The following OAS2 variants were observed in gnomAD, a reference collection of about 807,000 sequenced individuals.
OAS2 encodes 2'-5'-oligoadenylate synthetase 2, also known as 2'-5'-oligoadenylate synthase 2.
OAS2 carries 67 observed loss-of-function variants against 71.3 expected under a neutral mutation model. That is an observed-to-expected ratio of 0.94 (90% CI 0.77 to 1.15). OAS2 has a LOEUF of 1.15. Ranked by LOEUF, OAS2 falls within the 50% of genes most tolerant of loss-of-function variation. OAS2 has a pLI of 0.00. For synonymous variants in OAS2, 327 were observed against 321.8 expected (o/e 1.02, Z -0.17); for missense variants, 789 against 822.5 (o/e 0.96, Z 0.50).
intron 6 of OAS2, among the ~76,000 whole-genome samples, chr12:113,004,265 C>T (rs2044311960): frequency 6.6e-6 from 1 of 152,164 alleles, no homozygotes; most frequent in African/African-American, 2.4e-5. Context: ...GATCTGCATA[C>T]AGGAAATAGA....
chr12:113,000,490 A>T (rs2044273053), intron 5 of OAS2, among the ~76,000 whole-genome samples: 1 of 151,676 alleles, frequency 6.6e-6, no homozygotes, highest in Non-Finnish European at 1.5e-5. Flanking sequence ...ATACACACAC[A>T]CACACACACG....
intron 1 of OAS2, among the ~76,000 whole-genome samples, chr12:112,984,700 C>T (rs184767552): frequency 4.6e-5 from 7 of 152,202 alleles, no homozygotes; most frequent in African/African-American, 1.7e-4. Flanking sequence ...GTAATGATAA[C>T]ATTTGACTCC....
rs1207153631 is a variant in OAS2 at position 113,010,132 on chromosome 12, AC to A, written c.*880del. On this transcript the variant is annotated 3_prime_UTR_variant, in exon 10 of 10. Transcript: ENST00000392583. ...CATGTGTCTTCTGCCCTAGGTGAGA[AC>A]CCTTGCACTAGAGGAACCCTACACC... The A allele has an allele frequency of 2.5e-6, 3 of 1,215,586 alleles. No individual in the cohort carries two copies. In the African/African-American group the frequency reaches 4.7e-5, roughly 19 times the overall value. 75.3% of individuals were successfully genotyped at this position (1,215,586 alleles called of 1,614,324 possible).
At chr12:113,007,592 G>A in intron 8 of OAS2, 113 bp from the exon 9 acceptor site, 1 of 824,506 alleles carries the variant, frequency 1.2e-6, no homozygotes. Context: ...AAGCTGCAGA[G>A]TGTGAGCACA....
At position 113,010,193 on chromosome 12, in the gene OAS2, A is replaced by T; in HGVS notation, c.*938A>T. On this transcript the variant is annotated 3_prime_UTR_variant, in exon 10 of 10. Coordinates refer to ENST00000392583, the MANE Select transcript of OAS2 (RefSeq NM_002535.3). ...GGGGGAATGTAGGGAAGAGGTGGCCAAGCCAACCGTGGGGTTAGCTCTAAT... is the reference window on the plus strand; with the variant it reads ...GGGGGAATGTAGGGAAGAGGTGGCCTAGCCAACCGTGGGGTTAGCTCTAAT... The T allele has an allele frequency of 7.4e-7, 1 of 1,358,252 alleles. No homozygotes were observed. Among genetic ancestry groups the T allele is most frequent in the East Asian group, 2.9e-5 (1 of 34,124 alleles). The allele number at this position is 1,358,252 out of a possible 1,614,324, so 84.1% of individuals were successfully genotyped here.
At chr12:112,988,967 G>A (rs978211241) in intron 2 of OAS2, among the ~76,000 whole-genome samples, 2 of 152,166 alleles carry the variant, frequency 1.3e-5, no homozygotes, top group African/African-American at 4.8e-5. Flanking sequence ...GGTGAAGGAT[G>A]TACCCATGAC....
In OAS2 at chr12:113,009,475, C is replaced by T. The variant is rs1484633032; in HGVS notation, c.*220C>T. ...GCTGCGCAGCATCCCTAGTCTCTACCCAGTAGATGCCACTAGCCCTCCTCT... is the reference window on the plus strand; with the variant it reads ...GCTGCGCAGCATCCCTAGTCTCTACTCAGTAGATGCCACTAGCCCTCCTCT... On this transcript the variant is annotated 3_prime_UTR_variant, in exon 10 of 10. Coordinates refer to ENST00000392583, the MANE Select transcript of OAS2 (RefSeq NM_002535.3). 2.8e-5 allele frequency: 36 copies of T among 1,280,462 alleles called. No individual in the cohort carries two copies. Among genetic ancestry groups the T allele is most frequent in the Non-Finnish European group, 3.5e-5 (35 of 1,013,232 alleles). 79.3% of individuals were successfully genotyped at this position (1,280,462 alleles called of 1,614,324 possible).
chr12:113,001,439 C>CATATAT, intron 5 of OAS2, among the ~76,000 whole-genome samples: 1 of 73,084 alleles, frequency 1.4e-5, no homozygotes, highest in African/African-American at 4.4e-5. Context: ...CATATATATA[C>CATATAT]ACATATATAC....
At chr12:113,001,980 A>G (rs1280587760) in intron 5 of OAS2, among the ~76,000 whole-genome samples, 2 of 151,606 alleles carry the variant, frequency 1.3e-5, no homozygotes, top group Non-Finnish European at 2.9e-5. Context: ...GACTGCAGTG[A>G]GCTATAATGG....
chr12:112,991,943 GGATAAATGGATGGAA>G (rs2044196355), intron 2 of OAS2, among the ~76,000 whole-genome samples: 1 of 152,006 alleles, frequency 6.6e-6, no homozygotes, highest in Non-Finnish European at 1.5e-5. Context: ...GGAGCATGAT[GGATAAATGGATGGAA>G]GGTAAATGGA....
intron 5 of OAS2, among the ~76,000 whole-genome samples, chr12:113,001,866 A>AC: frequency 7.7e-6 from 1 of 130,152 alleles, no homozygotes; most frequent in East Asian, 2.2e-4. Context: ...ATCTCTACAA[A>AC]AAAAAAAAAA....
Position 112,987,293 on chromosome 12 carries a change from G to T in OAS2, c.433G>T (p.Ala145Ser). 1 of 1,614,164 alleles carries T rather than the reference G, an allele frequency of 6.2e-7. No homozygotes were observed. The highest frequency in any genetic ancestry group is 8.5e-7 in the Non-Finnish European group (1 of 1,180,032). ...NQRISFEVLAAFNALSLNDNP... is the reference protein window; with the variant it reads ...NQRISFEVLASFNALSLNDNP... ...GAGAATCTCTTTCGAGGTGCTGGCC[G>T]CCTTCAACGCTCTGAGTAAGCATTG... Residue 145 changes from alanine to serine, a missense_variant, in exon 2 of 10, where the codon GCC becomes TCC. Coordinates refer to ENST00000392583, the MANE Select transcript of OAS2 (RefSeq NM_002535.3).
In OAS2 at chr12:113,010,343, A is replaced by G. The variant is rs1278671434; in HGVS notation, c.*1088A>G. The G allele has an allele frequency of 1.2e-6, 2 of 1,604,400 alleles. No individual in the cohort carries two copies. Among genetic ancestry groups the G allele is most frequent in the African/African-American group, 1.3e-5 (1 of 74,252 alleles). On this transcript the variant is annotated 3_prime_UTR_variant, in exon 10 of 10. Transcript: ENST00000392583. ...GCAATGATTGTAACTATTAGGAGAC[A>G]TTGCTCTCCCACGTATGTTTTTCTT...
rs140488386 is a variant in OAS2, at chr12:112,997,752, C to T, written c.860C>T (p.Ala287Val). The change falls in exon 4 of 10, where the codon GCG becomes GTG. Residue 287 changes from alanine to valine, a missense_variant. Coordinates refer to ENST00000392583, the MANE Select transcript of OAS2 (RefSeq NM_002535.3). Reference sequence around the variant, plus strand: ...ATCCTGCTGCACCAGCTCCAATCAGCGAGGTGCCAAGCTTCTCACACCCTA... The same window carrying T: ...ATCCTGCTGCACCAGCTCCAATCAGTGAGGTGCCAAGCTTCTCACACCCTA... ...RNILLHQLQS[A>V]RPVILDPVDP... The T allele has an allele frequency of 3.7e-5, 58 of 1,578,310 alleles. No individual in the cohort carries two copies. The highest frequency in any genetic ancestry group is 4.7e-5 in the Non-Finnish European group (54 of 1,160,454).
intron 5 of OAS2, among the ~76,000 whole-genome samples, chr12:113,001,863 CA>C (rs71086131): frequency 0.015 from 329 of 21,824 alleles, 1 homozygote; most frequent in East Asian, 0.028. Context: ...CCCATCTCTA[CA>C]AAAAAAAAAA....
chr12:113,004,226 G>A (rs1232896436), intron 6 of OAS2, among the ~76,000 whole-genome samples: 3 of 152,204 alleles, frequency 2.0e-5, no homozygotes, highest in Non-Finnish European at 4.4e-5. Context: ...CTGCATGAAT[G>A]AAGGGGGCTG....
chr12:112,998,489 A>G, intron 5 of OAS2, 79 bp downstream of exon 5: 1 of 1,489,050 alleles, frequency 6.7e-7, no homozygotes, highest in Non-Finnish European at 9.1e-7. Context: ...CTTATCTGAG[A>G]GTACTCTATA....
chr12:113,000,680 GCACTCATGCA>G (rs927221786), intron 5 of OAS2, among the ~76,000 whole-genome samples: 2 of 146,446 alleles, frequency 1.4e-5, no homozygotes, highest in African/African-American at 5.1e-5. Flanking sequence ...ATGCACACAT[GCACTCATGCA>G]CACACATGCA....
chr12:113,000,922 C>T (rs998970241), intron 5 of OAS2, among the ~76,000 whole-genome samples: 1 of 152,232 alleles, frequency 6.6e-6, no homozygotes, highest in African/African-American at 2.4e-5. Context: ...GAGTGCCCTT[C>T]CCCACCTCCA....
Sources: allele counts gnomAD v4.1 joint callset (sites outside exome capture counted in the v4.1 genomes callset), GRCh38; gene constraint gnomAD v4.1.1; transcripts MANE v1.5; gene names NCBI Gene and HGNC (gene_info 2026-07-23, HGNC 2026-07-21).